CABIN1: variants seen among roughly 807,000 people sequenced by gnomAD.
CABIN1 encodes calcineurin binding protein 1, also known as calcineurin-binding protein cabin-1.
CABIN1 carries 133 observed loss-of-function variants against 227.7 expected under a neutral mutation model. The ratio of observed to expected loss-of-function variants is 0.58; its 90% CI spans 0.51 to 0.67. CABIN1 has a LOEUF of 0.67. Among genes scored for constraint, CABIN1 ranks in the 30% least tolerant of loss-of-function variants. The pLI is 0.00. For synonymous variants in CABIN1, 1,086 were observed against 1,155.1 expected (o/e 0.94, Z 1.21); for missense variants, 2,408 against 2,852.5 (o/e 0.84, Z 3.55).
rs2046341867 is a variant in CABIN1, at chr22:24,164,578, C to A, written c.4910+15C>A. 1 of 1,601,784 alleles carries A rather than the reference C, an allele frequency of 6.2e-7. No homozygotes were observed. The stretch of plus-strand genomic sequence containing the variant: ...GACCAGGGCAAGTGAGTGCAGCCAC[C>A]CTGGACACAGCCTGGCATGCTGTGT... On this transcript the variant is annotated intron_variant, in intron 30 of 36. Transcript: ENST00000263119.
At chr22:24,058,627 C>T (rs1291786016) in intron 10 of CABIN1, among the ~76,000 whole-genome samples, 3 of 152,304 alleles carry the variant, frequency 2.0e-5, no homozygotes, top group South Asian at 4.1e-4. Flanking sequence ...CCTATCTATC[C>T]GCTTTCCACC....
In CABIN1 at chr22:24,177,084, T is replaced by C. The variant is rs2047158970; in HGVS notation, c.6206-420T>C. 6.6e-6 allele frequency among the ~76,000 whole-genome samples: 1 copy of C among 152,182 alleles called. No individual in the cohort carries two copies. Among genetic ancestry groups the C allele is most frequent in the African/African-American group, 2.4e-5 (1 of 41,440 alleles). On this transcript the variant is annotated intron_variant, in intron 35 of 36. Transcript: ENST00000263119. This position sits in a 1 kb window ranked among gnomAD's most constrained non-coding sequence, Gnocchi z 4.4. Reference sequence around the variant, plus strand: ...CGAAAGTGGATGCCCTGGGGCCAGCTCAGTGACCATGCCTGGCTGAGCGAC... The same window carrying C: ...CGAAAGTGGATGCCCTGGGGCCAGCCCAGTGACCATGCCTGGCTGAGCGAC...
At chr22:24,106,150 A>G (rs2042502528) in intron 26 of CABIN1, among the ~76,000 whole-genome samples, 1 of 152,200 alleles carries the variant, frequency 6.6e-6, no homozygotes, top group South Asian at 2.1e-4. Context: ...CGGGTGGAGT[A>G]TGGCTCAGGG....
At position 24,167,098 on chromosome 22, in the gene CABIN1, G is replaced by A. The variant is rs771894586; in HGVS notation, c.5467G>A (p.Ala1823Thr). 216 of 1,234,530 alleles carry A rather than the reference G, an allele frequency of 1.7e-4. 2 individuals carry two copies. In the African/African-American group the frequency reaches 2.6e-3, roughly 15 times the overall value. The allele number at this position is 1,234,530 out of a possible 1,614,324, so 76.5% of individuals were successfully genotyped here. A position where few individuals can be genotyped will look rare whatever the true frequency, so the allele number is the denominator to read the frequency against. Residue 1823 changes from alanine to threonine, a missense_variant, in exon 32 of 37, where the codon GCC becomes ACC. Physicochemically the swap from Ala to Thr is moderately conservative, Grantham distance 58. Around this residue, in one of 3 missense-constraint regions of CABIN1, gnomAD observed 714 missense variants for 773.8 expected, o/e 0.92. Coordinates refer to ENST00000263119, the MANE Select transcript of CABIN1 (RefSeq NM_012295.4). Reference protein sequence around the residue: ...LTPAQPAPAPAPATTTGTRAG... With the variant: ...LTPAQPAPAPTPATTTGTRAG... Reference sequence around the variant, plus strand: ...CCCAGCCCAGCCAGCCCCCGCCCCCGCCCCCGCCACCACCACAGGGACCAG... The same window carrying A: ...CCCAGCCCAGCCAGCCCCCGCCCCCACCCCCGCCACCACCACAGGGACCAG...
Position 24,038,395 on chromosome 22 carries a change from A to G in CABIN1, c.144A>G (p.Lys48=). Residue 48 remains lysine, a synonymous_variant, in exon 4 of 37, where the codon AAA becomes AAG. Coordinates refer to ENST00000263119, the MANE Select transcript of CABIN1 (RefSeq NM_012295.4). The part of the protein sequence containing the change: ...ALYHKALDLQ[K]HDRFEESAKA... ...ACCACAAGGCCCTTGATCTGCAGAA[A>G]CATGACCGGTTTGAGGAGTCTGCCA... 1 of 1,614,136 alleles carries G rather than the reference A, an allele frequency of 6.2e-7. No individual in the cohort carries two copies. The highest frequency in any genetic ancestry group is 1.3e-5 in the African/African-American group (1 of 75,024).
intron 28 of CABIN1, among the ~76,000 whole-genome samples, chr22:24,129,394 G>C (rs2043929985): frequency 6.6e-6 from 1 of 152,192 alleles, no homozygotes. Context: ...CAAGGGCATG[G>C]ACTGTTGCTT....
At chr22:24,175,029 C>T (rs990253494) in intron 34 of CABIN1, among the ~76,000 whole-genome samples, 2 of 152,230 alleles carry the variant, frequency 1.3e-5, no homozygotes, top group African/African-American at 4.8e-5. Flanking sequence ...AATTCATGTC[C>T]TTCTCTCCTC....
At chr22:24,147,478 C>T (rs965794443) in intron 29 of CABIN1, among the ~76,000 whole-genome samples, 6 of 149,512 alleles carry the variant, frequency 4.0e-5, no homozygotes, top group African/African-American at 1.5e-4. Flanking sequence ...CAGGGCTTCA[C>T]TGTGTCATCC....
chr22:24,080,422 C>T lies in CABIN1; in HGVS notation c.2749-2806C>T, dbSNP rs192752216. Among the ~76,000 whole-genome samples the T allele has an allele frequency of 2.4e-4, 36 of 152,314 alleles. No homozygotes were observed. The East Asian group carries it at 4.0e-3, about 17-fold the overall frequency. On this transcript the variant is annotated intron_variant, in intron 19 of 36. Coordinates refer to ENST00000263119, the MANE Select transcript of CABIN1 (RefSeq NM_012295.4). ...TGTTTTATGATATCCAACCCCCTAA[C>T]GCAAACCTGCCATTGGAATTTTGAT...
At chr22:24,088,988 G>A (rs1188430401) in intron 23 of CABIN1, among the ~76,000 whole-genome samples, 2 of 152,202 alleles carry the variant, frequency 1.3e-5, no homozygotes, top group Admixed American at 1.3e-4. Context: ...AGTGGCCCCA[G>A]AGTTGGGCAG....
At chr22:24,163,113 T>C (rs747058656) in intron 29 of CABIN1, among the ~76,000 whole-genome samples, 3 of 152,198 alleles carry the variant, frequency 2.0e-5, no homozygotes, top group Non-Finnish European at 4.4e-5. Flanking sequence ...ATAGCCTCAG[T>C]ACCCTGGTTT....
chr22:24,149,955 C>A (rs1192405171), intron 29 of CABIN1, among the ~76,000 whole-genome samples: 1 of 152,252 alleles, frequency 6.6e-6, no homozygotes, highest in African/African-American at 2.4e-5. Context: ...CCCAGCCAGG[C>A]AGGCACATGA....
At chr22:24,165,707 C>G in intron 31 of CABIN1, 81 bp downstream of exon 31, 1 of 1,123,664 alleles carries the variant, frequency 8.9e-7, no homozygotes, top group Non-Finnish European at 1.3e-6. Flanking sequence ...CCCGATCCCT[C>G]TATTTGCATA....
At chr22:24,056,459 TCTC>T in intron 10 of CABIN1, 99 bp downstream of exon 10, 2 of 1,173,950 alleles carry the variant, frequency 1.7e-6, no homozygotes, top group South Asian at 1.2e-5. Flanking sequence ...TCTTCTCTGG[TCTC>T]CTCCTCTGTG....
At chr22:24,077,017 A>C (rs930007810) in intron 19 of CABIN1, among the ~76,000 whole-genome samples, 1 of 152,244 alleles carries the variant, frequency 6.6e-6, no homozygotes, top group African/African-American at 2.4e-5. Context: ...CTGCTTTTGC[A>C]GTAGAGTGGC....
At chr22:24,160,067 C>G (rs542662380) in intron 29 of CABIN1, among the ~76,000 whole-genome samples, 126 of 152,306 alleles carry the variant, frequency 8.3e-4, no homozygotes, top group Admixed American at 1.2e-3. Flanking sequence ...AGTCTGGCCC[C>G]TGGGTCCTGT....
intron 1 of CABIN1, among the ~76,000 whole-genome samples, chr22:24,019,845 C>T (rs374644821): frequency 2.0e-5 from 3 of 151,492 alleles, no homozygotes; most frequent in East Asian, 3.9e-4. Flanking sequence ...TTAGTAGAGA[C>T]GGGGTTTCTC....
chr22:24,083,840 T>A (rs958572952), intron 20 of CABIN1, among the ~76,000 whole-genome samples: 2 of 152,240 alleles, frequency 1.3e-5, no homozygotes, highest in African/African-American at 4.8e-5. Context: ...TTATTTCTAT[T>A]TTGGATATGA....
chr22:24,014,759 C>G (rs796929650), intron 1 of CABIN1, among the ~76,000 whole-genome samples: 29 of 152,282 alleles, frequency 1.9e-4, no homozygotes, highest in African/African-American at 6.7e-4. Context: ...AGAGAAGTGT[C>G]TTTCCCTTCT....
Sources: allele counts gnomAD v4.1 joint callset (sites outside exome capture counted in the v4.1 genomes callset), GRCh38; gene constraint gnomAD v4.1.1; regional missense constraint gnomAD v4.1.1; non-coding constraint Gnocchi (gnomAD v3.1); transcripts MANE v1.5; gene names NCBI Gene and HGNC (gene_info 2026-07-23, HGNC 2026-07-21).